The following CTSB variants were observed in gnomAD, a reference collection of about 807,000 sequenced individuals.
CTSB encodes APP secretase.
A neutral mutation model predicts 44.3 loss-of-function variants in CTSB; 57 were observed. The ratio of observed to expected loss-of-function variants is 1.29; its 90% confidence interval spans 1.04 to 1.60. The LOEUF is 1.60. Ranked by LOEUF, CTSB falls within the 40% of genes most tolerant of loss-of-function variation. The pLI, the probability that CTSB is intolerant of heterozygous loss-of-function variation, is 0.00. For missense variants in CTSB, 768 were observed against 443.0 expected, an observed-to-expected ratio of 1.73 and a Z score of -6.59; for synonymous variants, 320 against 168.0, an observed-to-expected ratio of 1.91 and a Z score of -7.00.
At chr8:11,857,451 T>C (rs1341432814) in intron 1 of CTSB, among the ~76,000 whole-genome samples, 1 of 152,206 alleles carries the variant, frequency 6.6e-6, no homozygotes, top group Admixed American at 6.5e-5. Flanking sequence ...CAGACAGCAG[T>C]GTCCTTGGAT....
intron 1 of CTSB, among the ~76,000 whole-genome samples, chr8:11,866,112 A>G (rs1175335047): frequency 1.3e-5 from 2 of 152,244 alleles, no homozygotes; most frequent in African/African-American, 4.8e-5. Flanking sequence ...CCTCCCTTCA[A>G]TTCACTTCCC....
intron 1 of CTSB, chr8:11,861,610 T>A (rs865849792): frequency 4.6e-5 from 7 of 152,262 alleles, no homozygotes; most frequent in African/African-American, 1.2e-4. Flanking sequence ...CGTTGTTGGT[T>A]GTAAACAAGA....
intron 1 of CTSB, among the ~76,000 whole-genome samples, chr8:11,858,138 G>A (rs966937336): frequency 6.6e-6 from 1 of 152,192 alleles, no homozygotes. Flanking sequence ...CAAAGCGCCG[G>A]CACATGCCTG....
intron 1 of CTSB, among the ~76,000 whole-genome samples, chr8:11,861,729 T>C (rs1586191077): frequency 6.6e-6 from 1 of 152,364 alleles, no homozygotes; most frequent in East Asian, 1.9e-4. Context: ...CTGCATCGGA[T>C]ACCAAAGGAC....
At chr8:11,851,531 G>A (rs114386804) in intron 3 of CTSB, among the ~76,000 whole-genome samples, 2 of 151,980 alleles carry the variant, frequency 1.3e-5, no homozygotes, top group African/African-American at 4.8e-5. Context: ...CTTATGTAAT[G>A]GATTTTTTAA....
intron 1 of CTSB, among the ~76,000 whole-genome samples, chr8:11,859,256 C>G (rs960025409): frequency 2.0e-5 from 3 of 152,104 alleles, no homozygotes; most frequent in African/African-American, 7.2e-5. Flanking sequence ...GAGTGTGCGG[C>G]CAGGCGACTC....
intron 1 of CTSB, among the ~76,000 whole-genome samples, chr8:11,864,975 C>A (rs1366505382): frequency 2.0e-5 from 3 of 152,016 alleles, no homozygotes; most frequent in Admixed American, 6.6e-5. Flanking sequence ...AACCTCCTAC[C>A]CCACACAAGC....
chr8:11,849,299 G>T, intron 4 of CTSB, 135 bp from the exon 5 acceptor site: 1 of 594,622 alleles, frequency 1.7e-6, no homozygotes, highest in Non-Finnish European at 3.0e-6. Context: ...ACGCTCCTGG[G>T]GCTCAAACTC....
At position 11,845,081 on chromosome 8, in the gene CTSB, C is replaced by G. The variant is rs759004418; in HGVS notation, c.*44G>C. 3.1e-6 allele frequency: 4 copies of G among 1,291,058 alleles called. No homozygotes were observed. The highest frequency in any genetic ancestry group is 2.4e-5 in the South Asian group (2 of 84,352). 80.0% of individuals were successfully genotyped at this position (1,291,058 alleles called of 1,614,324 possible). A position where few individuals can be genotyped will look rare whatever the true frequency, so the allele number is the denominator to read the frequency against. On this transcript the variant is annotated 3_prime_UTR_variant, in exon 10 of 10. Coordinates refer to ENST00000353047, the MANE Select transcript of CTSB (RefSeq NM_001908.5). ...ACTTAAAGAATAAAATGCATTTCTA[C>G]CCCGATCTCGCCCCCAGGACTGGCA...
At chr8:11,852,997 G>A (rs1226756810) in intron 2 of CTSB, among the ~76,000 whole-genome samples, 1 of 152,154 alleles carries the variant, frequency 6.6e-6, no homozygotes, top group Non-Finnish European at 1.5e-5. Context: ...ATCAGGGGCG[G>A]GACTGATAAA....
At chr8:11,863,792 A>T (rs920360137) in intron 1 of CTSB, among the ~76,000 whole-genome samples, 1 of 152,170 alleles carries the variant, frequency 6.6e-6, no homozygotes, top group Non-Finnish European at 1.5e-5. Flanking sequence ...AGTGTTGGTA[A>T]ATGTGAGGAA....
At position 11,850,899 on chromosome 8, in the gene CTSB, C is replaced by T. The variant is rs761764219; in HGVS notation, c.294G>A (p.Glu98=). 10 of 1,613,442 alleles carry T rather than the reference C, an allele frequency of 6.2e-6. No homozygotes were observed. The African/African-American group carries it at 9.3e-5, about 15-fold the overall frequency. Residue 98 remains glutamate, a synonymous_variant, in exon 4 of 10, where the codon GAG becomes GAA. Transcript: ENST00000353047. ...AGCCACAGGAGCCCTGGTCTCTGAT[C>T]TCTTTGATGGTGGGACACTGTGGCC... ...EQWPQCPTIK[E]IRDQGSCGSC...
At chr8:11,845,919 G>GGGC (rs1813234267) in intron 8 of CTSB, 130 bp from the exon 9 acceptor site, 1 of 1,102,706 alleles carries the variant, frequency 9.1e-7, no homozygotes, top group African/African-American at 1.6e-5. Context: ...TGCTCCACCA[G>GGGC]GAGGCTCCAG....
intron 1 of CTSB, among the ~76,000 whole-genome samples, chr8:11,859,445 G>C (rs1816032242): frequency 6.6e-6 from 1 of 152,056 alleles, no homozygotes; most frequent in Non-Finnish European, 1.5e-5. Context: ...AATCAGTTTT[G>C]GGCTGCCACC....
Position 11,847,141 on chromosome 8 carries a change from C to G in CTSB, c.704G>C (p.Ser235Thr), listed in dbSNP as rs17573. 6.3e-7 allele frequency: 1 copy of G among 1,593,454 alleles called. No individual in the cohort carries two copies. Among genetic ancestry groups the G allele is most frequent in the Non-Finnish European group, 8.6e-7 (1 of 1,169,310 alleles). ...YGYNSYSVSN[S>T]EKDIMAEIYK... ...GATCTCGGCCATGATGTCCTTCTCG[C>G]TATTGGAGACGCTGTAGGAATTGTA... Residue 235 changes from serine (S) to threonine (T), a missense_variant, in exon 8 of 10, where the codon AGC becomes ACC. By Grantham distance (58) the Ser-to-Thr change is moderately conservative. Transcript: ENST00000353047.
chr8:11,844,304 C>G lies in CTSB; in HGVS notation c.*821G>C, dbSNP rs1440959092. On this transcript the variant is annotated 3_prime_UTR_variant, in exon 10 of 10. Transcript: ENST00000353047. ...AGGCAGTGACAAAGGATCTGAGATC[C>G]CATCAGAGTAGACTTCAAGTTGGAG... The G allele has an allele frequency of 6.6e-6, 1 of 152,204 alleles. No homozygotes were observed. The highest frequency in any genetic ancestry group is 1.5e-5 in the Non-Finnish European group (1 of 68,052). 9.4% of individuals were successfully genotyped at this position (152,204 alleles called of 1,614,324 possible). A position where few individuals can be genotyped will look rare whatever the true frequency, so the allele number is the denominator to read the frequency against.
At chr8:11,855,830 C>T (rs1461084599) in intron 1 of CTSB, among the ~76,000 whole-genome samples, 2 of 151,680 alleles carry the variant, frequency 1.3e-5, no homozygotes, top group Non-Finnish European at 2.9e-5. Flanking sequence ...CCAGCCTGGC[C>T]AACATGGTGA....
intron 1 of CTSB, among the ~76,000 whole-genome samples, chr8:11,863,734 C>T (rs1337834664): frequency 1.6e-4 from 25 of 152,088 alleles, no homozygotes; most frequent in Admixed American, 1.6e-3. Flanking sequence ...AACAGGGGTA[C>T]CACTTCAAAC....
At chr8:11,849,581 T>TTG (rs1814167310) in intron 4 of CTSB, 2 of 151,170 alleles carry the variant, frequency 1.3e-5, no homozygotes, top group Admixed American at 1.3e-4. Context: ...TGTGTGTGGT[T>TTG]TTTTTTTTTT....
Sources: gnomAD v4.1 joint callset for allele counts (sites outside exome capture counted in the v4.1 genomes callset) on GRCh38, gnomAD v4.1.1 for gene constraint, MANE v1.5 for transcripts, NCBI Gene and HGNC (gene_info 2026-07-23, HGNC 2026-07-21) for gene names.